Variants in PACRG observed in about 807,000 individuals in gnomAD.
PACRG encodes parkin coregulated.
PACRG carries 29 observed loss-of-function variants against 29.7 expected under a neutral mutation model. That is an observed-to-expected ratio of 0.98 (90% CI 0.73 to 1.33). The LOEUF is 1.33. Among genes scored for constraint, PACRG ranks in the 40% most tolerant of loss-of-function variants. The pLI is 0.00. For synonymous variants in PACRG, 116 were observed against 118.7 expected (o/e 0.98, Z 0.15); for missense variants, 279 against 316.2 (o/e 0.88, Z 0.89).
intron 2 of PACRG, among the ~76,000 whole-genome samples, chr6:162,928,976 C>T (rs764246805): frequency 3.3e-5 from 5 of 152,004 alleles, no homozygotes; most frequent in Non-Finnish European, 7.4e-5. Context: ...AATAATACTC[C>T]ATTGTGTATA....
At chr6:163,284,302 T>A (rs1453822226) in intron 4 of PACRG, among the ~76,000 whole-genome samples, 1 of 152,212 alleles carries the variant, frequency 6.6e-6, no homozygotes, top group Non-Finnish European at 1.5e-5. Context: ...GGCCAGCAGC[T>A]GCTGGACGTT....
At chr6:163,234,938 G>A (rs879059439) in intron 4 of PACRG, among the ~76,000 whole-genome samples, 2 of 152,142 alleles carry the variant, frequency 1.3e-5, no homozygotes, top group Non-Finnish European at 2.9e-5. Context: ...AGGAAAGTGG[G>A]GCCAAATGTT....
In PACRG at chr6:162,845,434, AG is replaced by A. The variant is rs1395413540; in HGVS notation, c.291+31154del. Among the ~76,000 whole-genome samples, 14 of 151,704 alleles carry A rather than the reference AG, an allele frequency of 9.2e-5. No individual in the cohort carries two copies. The East Asian group carries it at 2.5e-3, about 27-fold the overall frequency. ...GAAGGATTTTCATACCTTTTGGTAA[AG>A]TTTGTTGTATATATAATTAAAACTC... On this transcript the variant is annotated intron_variant, in intron 2 of 4. Transcript: ENST00000366888.
chr6:163,209,758 T>C (rs559026157), intron 4 of PACRG, among the ~76,000 whole-genome samples: 4 of 152,366 alleles, frequency 2.6e-5, no homozygotes, highest in Admixed American at 2.6e-4. Context: ...GGAAATATCA[T>C]ATTGTAAATA....
chr6:163,175,363 G>A (rs1421357845), intron 4 of PACRG, among the ~76,000 whole-genome samples: 1 of 152,060 alleles, frequency 6.6e-6, no homozygotes, highest in Non-Finnish European at 1.5e-5. Flanking sequence ...TTTGCAGAGG[G>A]AGCATAGAGT....
In PACRG at chr6:163,101,133, C is replaced by T. The variant is rs546111741; in HGVS notation, c.613+11725C>T. On this transcript the variant is annotated intron_variant, in intron 4 of 4. Transcript: ENST00000366888. ...GACTTTTAATTTAGATTTTGCATAC[C>T]AATTACAACTCTGCCTCTGCCCCCG... 8 of 983,206 alleles carry T rather than the reference C, an allele frequency of 8.1e-6. No homozygotes were observed. The South Asian group carries it at 2.4e-4, about 29-fold the overall frequency. 60.9% of individuals were successfully genotyped at this position (983,206 alleles called of 1,614,324 possible).
chr6:162,878,869 A>T (rs1448336492), intron 2 of PACRG, among the ~76,000 whole-genome samples: 1 of 152,226 alleles, frequency 6.6e-6, no homozygotes, highest in Non-Finnish European at 1.5e-5. Context: ...TATGGTGACA[A>T]GTTTAAAGAT....
At position 163,315,079 on chromosome 6, in the gene PACRG, A is replaced by C; in HGVS notation, c.*92A>C. ...GCATCTCATTCCTTGTGACTTCCAC[A>C]GCTTTCTTTTCTACAGCTGCTAAAA... On this transcript the variant is annotated 3_prime_UTR_variant, in exon 5 of 5. Transcript: ENST00000366888. 1 of 1,430,670 alleles carries C rather than the reference A, an allele frequency of 7.0e-7. No homozygotes were observed. Among genetic ancestry groups the C allele is most frequent in the East Asian group, 2.3e-5 (1 of 43,652 alleles). The allele number at this position is 1,430,670 out of a possible 1,614,324, so 88.6% of individuals were successfully genotyped here.
chr6:163,291,149 C>T (rs935523983), intron 4 of PACRG, among the ~76,000 whole-genome samples: 3 of 148,616 alleles, frequency 2.0e-5, no homozygotes, highest in African/African-American at 7.8e-5. Flanking sequence ...CCAGAGCTGG[C>T]CTGCGGGTCA....
At chr6:162,741,300 G>A (rs978196357) in intron 1 of PACRG, among the ~76,000 whole-genome samples, 6 of 152,170 alleles carry the variant, frequency 3.9e-5, no homozygotes, top group Non-Finnish European at 5.9e-5. Flanking sequence ...TGCTAGGGTA[G>A]TGTCTTAGTA....
intron 2 of PACRG, among the ~76,000 whole-genome samples, chr6:162,924,460 G>A (rs979887236): frequency 1.3e-5 from 2 of 152,022 alleles, no homozygotes; most frequent in African/African-American, 2.4e-5. Context: ...TCCTTGTCTT[G>A]TTCCAGCACT....
intron 4 of PACRG, among the ~76,000 whole-genome samples, chr6:163,286,085 C>T (rs1353870246): frequency 6.6e-5 from 10 of 152,236 alleles, no homozygotes; most frequent in South Asian, 2.1e-4. Context: ...GAGGGGTGAA[C>T]GGAATATTTC....
chr6:162,984,828 A>G (rs930004269), intron 2 of PACRG, among the ~76,000 whole-genome samples: 1 of 146,732 alleles, frequency 6.8e-6, no homozygotes, highest in Non-Finnish European at 1.5e-5. Context: ...TTGTCTATTC[A>G]TGTCCTTAGC....
chr6:162,992,206 T>C (rs1327204379), intron 2 of PACRG, among the ~76,000 whole-genome samples: 1 of 119,804 alleles, frequency 8.3e-6, no homozygotes, highest in African/African-American at 4.1e-5. Flanking sequence ...ATTCTCTTTT[T>C]TGGTTGTGTC....
chr6:162,882,189 G>GT (rs1271886096), intron 2 of PACRG, among the ~76,000 whole-genome samples: 1 of 138,556 alleles, frequency 7.2e-6, no homozygotes, highest in African/African-American at 2.6e-5. Context: ...GAGACTGGGG[G>GT]TGGGGGGGCG....
chr6:162,963,916 T>C (rs4709664), intron 2 of PACRG, among the ~76,000 whole-genome samples: 23,701 of 152,112 alleles, frequency 0.16, 3,247 homozygotes, highest in African/African-American at 0.36. Flanking sequence ...AGCACTATTT[T>C]AACCTAGATT....
At chr6:163,313,657 G>T (rs1017882800) in intron 4 of PACRG, 1 of 152,156 alleles carries the variant, frequency 6.6e-6, no homozygotes, top group African/African-American at 2.4e-5. Flanking sequence ...TCTTTCTCTG[G>T]TGAAATGCAC....
At chr6:162,812,550 C>T (rs1230291419) in intron 1 of PACRG, among the ~76,000 whole-genome samples, 2 of 151,884 alleles carry the variant, frequency 1.3e-5, no homozygotes, top group East Asian at 1.9e-4. Context: ...GTAGATGTTA[C>T]CATCTACCTT....
chr6:163,205,235 C>A (rs1185224072), intron 4 of PACRG, among the ~76,000 whole-genome samples: 1 of 152,022 alleles, frequency 6.6e-6, no homozygotes, highest in African/African-American at 2.4e-5. Flanking sequence ...TTATGTGGAA[C>A]CAAAAAGAGA....
Sources: gnomAD v4.1 joint callset for allele counts (sites outside exome capture counted in the v4.1 genomes callset) on GRCh38, gnomAD v4.1.1 for gene constraint, MANE v1.5 for transcripts, NCBI Gene and HGNC (gene_info 2026-07-23, HGNC 2026-07-21) for gene names.